SVEP1: variants seen among roughly 807,000 people sequenced by gnomAD.
SVEP1 encodes the protein sushi, von Willebrand factor type A, EGF and pentraxin domain containing 1, also known as sushi, von Willebrand factor type A, EGF and pentraxin domain-containing protein 1.
In SVEP1, 164 loss-of-function variants were observed where a neutral mutation model predicts 367.3. The ratio of observed to expected loss-of-function variants is 0.45; its 90% CI spans 0.39 to 0.51. The LOEUF (loss-of-function observed/expected upper bound fraction) is 0.51. Among genes scored for constraint, SVEP1 ranks in the 20% least tolerant of loss-of-function variants. The probability of loss-of-function intolerance (pLI) is 0.00; values close to 1 mark genes in which losing one functional copy is unlikely to be tolerated. For synonymous variants in SVEP1, 1,666 were observed against 1,611.6 expected (o/e 1.03, Z -0.81); for missense variants, 4,117 against 4,425.3 (o/e 0.93, Z 1.98).
rs55646251 is a variant in SVEP1 at position 110,481,699 on chromosome 9, G to GTTATTA, written c.2171-269_2171-264dup. The stretch of plus-strand genomic sequence containing the variant: ...AAAGTTAAAGTACTTCTGACTTGGA[G>GTTATTA]TTATTATTATTATTATTATTACTAC... On this transcript the variant is annotated intron_variant, in intron 11 of 47. Transcript: ENST00000374469. Among the ~76,000 whole-genome samples, 35 of 151,088 alleles carry GTTATTA rather than the reference G, an allele frequency of 2.3e-4. No individual in the cohort carries two copies. The East Asian group carries it at 2.4e-3, about 10-fold the overall frequency.
chr9:110,484,698 A>G (rs1004377109), intron 9 of SVEP1, among the ~76,000 whole-genome samples: 1 of 152,242 alleles, frequency 6.6e-6, no homozygotes, highest in African/African-American at 2.4e-5. Flanking sequence ...TATCCATCTG[A>G]CAAAGGTCTA....
chr9:110,451,146 A>ACT, intron 23 of SVEP1, 143 bp downstream of exon 23: 1 of 657,644 alleles, frequency 1.5e-6, no homozygotes, highest in East Asian at 2.8e-5. Flanking sequence ...GTATTTCCTC[A>ACT]GAAAATGAGG....
At chr9:110,577,675 A>G (rs1165009954) in intron 1 of SVEP1, among the ~76,000 whole-genome samples, 1 of 152,158 alleles carries the variant, frequency 6.6e-6, no homozygotes, top group Non-Finnish European at 1.5e-5. Flanking sequence ...GAACTGGAAA[A>G]ACATTTGCAA....
At chr9:110,396,575 A>G (rs1446931732) in intron 40 of SVEP1, among the ~76,000 whole-genome samples, 1 of 147,642 alleles carries the variant, frequency 6.8e-6, no homozygotes, top group African/African-American at 2.5e-5. Flanking sequence ...CTTTTTGAAA[A>G]GATCAACAAA....
intron 40 of SVEP1, among the ~76,000 whole-genome samples, chr9:110,394,532 C>T (rs1325341990): frequency 6.6e-6 from 1 of 152,152 alleles, no homozygotes; most frequent in East Asian, 1.9e-4. Flanking sequence ...GAGAAGAAGG[C>T]TTCAGATGAT....
chr9:110,477,755 C>T (rs552012971), intron 13 of SVEP1, among the ~76,000 whole-genome samples: 1 of 152,196 alleles, frequency 6.6e-6, no homozygotes, highest in South Asian at 2.1e-4. Flanking sequence ...ACTGAATCTA[C>T]TTTCAGAAGA....
intron 36 of SVEP1, among the ~76,000 whole-genome samples, chr9:110,413,182 A>T (rs1255231950): frequency 2.2e-5 from 3 of 136,700 alleles, no homozygotes; most frequent in Admixed American, 7.5e-5. Context: ...AAAATGTGGC[A>T]CATATACACC....
chr9:110,383,379 C>T (rs575480024), intron 43 of SVEP1, among the ~76,000 whole-genome samples: 6 of 152,238 alleles, frequency 3.9e-5, no homozygotes, highest in South Asian at 2.1e-4. Context: ...TTGCCTGGGT[C>T]GCACCTGCAC....
chr9:110,375,618 G>A (rs1343356539), intron 45 of SVEP1, among the ~76,000 whole-genome samples, 155 bp from the exon 46 acceptor site: 3 of 152,080 alleles, frequency 2.0e-5, no homozygotes, highest in Non-Finnish European at 4.4e-5. Flanking sequence ...CATGTGTTCT[G>A]CTTATTAATG....
intron 16 of SVEP1, among the ~76,000 whole-genome samples, chr9:110,470,185 G>A (rs962322605): frequency 2.0e-5 from 3 of 152,136 alleles, no homozygotes; most frequent in Admixed American, 1.3e-4. Context: ...TAAAAGTTAA[G>A]GGGTTTGGAG....
chr9:110,377,423 G>A (rs1827365580), intron 44 of SVEP1, 57 bp from the exon 45 acceptor site: 7 of 1,519,434 alleles, frequency 4.6e-6, no homozygotes, highest in Non-Finnish European at 4.6e-6. Flanking sequence ...GAAGGAGTCA[G>A]AAAATAGAAT....
intron 39 of SVEP1, 75 bp from the exon 40 acceptor site, chr9:110,401,084 G>GT: frequency 6.5e-7 from 1 of 1,530,244 alleles, no homozygotes; most frequent in Non-Finnish European, 8.9e-7. Flanking sequence ...GCAAATATTG[G>GT]TTATTTGCAG....
At chr9:110,403,716 A>G (rs960488991) in intron 39 of SVEP1, among the ~76,000 whole-genome samples, 1 of 152,136 alleles carries the variant, frequency 6.6e-6, no homozygotes, top group African/African-American at 2.4e-5. Flanking sequence ...AAGAATGTCT[A>G]TGCATAGAAA....
chr9:110,390,313 G>GTA (rs1827629335), intron 40 of SVEP1, among the ~76,000 whole-genome samples: 2 of 10,946 alleles, frequency 1.8e-4, no homozygotes, highest in African/African-American at 9.4e-4. Flanking sequence ...ATATAAGTAT[G>GTA]TGTATATATA....
intron 18 of SVEP1, among the ~76,000 whole-genome samples, chr9:110,464,024 A>G (rs1037233170): frequency 1.3e-5 from 2 of 152,192 alleles, no homozygotes; most frequent in African/African-American, 4.8e-5. Context: ...AGGTTTATTT[A>G]GAAAGCTAAA....
Position 110,561,466 on chromosome 9 carries a change from T to A in SVEP1, c.532-11362A>T, listed in dbSNP as rs1003519140. On this transcript the variant is annotated intron_variant, in intron 1 of 47. Coordinates refer to ENST00000374469, the MANE Select transcript of SVEP1 (RefSeq NM_153366.4). ...TTGATAACAAAGATTAACTATGAAG[T>A]AAGAGAATGAAAGCAATTGCCTTAA... Among the ~76,000 whole-genome samples, 3 of 152,190 alleles carry A rather than the reference T, an allele frequency of 2.0e-5. No individual in the cohort carries two copies. The East Asian group carries it at 5.8e-4, about 29-fold the overall frequency.
rs138471125 is a variant in SVEP1 at position 110,479,837 on chromosome 9, C to CTT, written c.2366-82_2366-81insAA. 5.2e-3 allele frequency: 8,009 copies of CTT among 1,530,814 alleles called. 346 individuals are homozygous for CTT. In the African/African-American group the frequency reaches 0.097, roughly 19 times the overall value. The allele number at this position is 1,530,814 out of a possible 1,614,324, so 94.8% of individuals were successfully genotyped here. On this transcript the variant is annotated intron_variant, in intron 12 of 47. Coordinates refer to ENST00000374469, the MANE Select transcript of SVEP1 (RefSeq NM_153366.4). ...TTGACTTTCTATGAAATAATTGAAA[C>CTT]AATGTTTTAATTCTAACATAATTTG... is the stretch of plus-strand genomic sequence containing the variant.
At chr9:110,375,586 G>T in intron 45 of SVEP1, 123 bp from the exon 46 acceptor site, 1 of 781,846 alleles carries the variant, frequency 1.3e-6, no homozygotes, top group South Asian at 2.0e-5. Flanking sequence ...AACCTTATAT[G>T]ACTCACTAAA....
At chr9:110,459,304 C>T (rs1208734528) in intron 18 of SVEP1, among the ~76,000 whole-genome samples, 191 bp from the exon 19 acceptor site, 1 of 152,122 alleles carries the variant, frequency 6.6e-6, no homozygotes, top group East Asian at 1.9e-4. Context: ...TTTAGTAACA[C>T]ATGTTAACTT....
Sources: gnomAD v4.1 joint callset for allele counts (sites outside exome capture counted in the v4.1 genomes callset) on GRCh38, gnomAD v4.1.1 for gene constraint, MANE v1.5 for transcripts, NCBI Gene and HGNC (gene_info 2026-07-23, HGNC 2026-07-21) for gene names.